The following RELN variants were observed in gnomAD, a reference collection of about 807,000 sequenced individuals.
RELN encodes the protein reelin.
In RELN, 108 loss-of-function variants were observed where a neutral mutation model predicts 427.6. The observed-to-expected ratio is 0.25, with a 90% CI of 0.22 to 0.30. The LOEUF is 0.30. Ranked by LOEUF, RELN falls within the 10% of genes least tolerant of loss-of-function variation. The pLI is 1.00. For synonymous variants in RELN, 1,524 were observed against 1,513.4 expected (o/e 1.01, Z -0.16); for missense variants, 3,715 against 4,302.8 (o/e 0.86, Z 3.82).
chr7:103,608,307 A>C (rs938875723), intron 22 of RELN, among the ~76,000 whole-genome samples: 2 of 152,232 alleles, frequency 1.3e-5, no homozygotes, highest in African/African-American at 4.8e-5. Flanking sequence ...TAACTAGTAG[A>C]ATATGATTTT....
intron 60 of RELN, among the ~76,000 whole-genome samples, chr7:103,487,997 G>A (rs1408814894): frequency 1.3e-5 from 2 of 151,920 alleles, no homozygotes; most frequent in South Asian, 4.2e-4. Context: ...TACAAAAGAA[G>A]ATGAGCTGGG....
chr7:103,818,903 C>T (rs1256219889), intron 3 of RELN, among the ~76,000 whole-genome samples: 2 of 150,802 alleles, frequency 1.3e-5, no homozygotes, highest in African/African-American at 2.4e-5. Flanking sequence ...ATTGGGAAAA[C>T]ATTCATGTTA....
At position 103,636,243 on chromosome 7, in the gene RELN, T is replaced by A. The variant is rs1832576868; in HGVS notation, c.2295A>T (p.Ser765=). 1 of 1,611,684 alleles carries A rather than the reference T, an allele frequency of 6.2e-7. No homozygotes were observed. The highest frequency in any genetic ancestry group is 8.5e-7 in the Non-Finnish European group (1 of 1,178,076). ...RQLITSFLDS[S]QSRFLQFTLR... ...ACCCTGCCTTCACTCACCTGGATTG[T>A]GAGCTGTCAAGGAAAGATGTAATTA... is the stretch of plus-strand genomic sequence containing the variant. The change falls in exon 18 of 65, where the codon TCA becomes TCT. Residue 765 remains serine (S), a synonymous_variant. Coordinates refer to ENST00000428762, the MANE Select transcript of RELN (RefSeq NM_005045.4).
intron 2 of RELN, among the ~76,000 whole-genome samples, chr7:103,856,578 A>T (rs1261868828): frequency 1.2e-4 from 18 of 149,072 alleles, no homozygotes; most frequent in Non-Finnish European, 2.7e-4. Context: ...TCAAAAAAAA[A>T]AAAAAAAAAA....
intron 3 of RELN, among the ~76,000 whole-genome samples, chr7:103,797,648 T>G (rs1792341639): frequency 6.6e-6 from 1 of 152,190 alleles, no homozygotes; most frequent in African/African-American, 2.4e-5. Flanking sequence ...AGACCCCTTT[T>G]GTAAATACAA....
rs563866127 is a variant in RELN, at chr7:103,820,913, A to G, written c.473+12624T>C. 5.9e-5 allele frequency among the ~76,000 whole-genome samples: 9 copies of G among 152,162 alleles called. No homozygotes were observed. The East Asian group carries it at 1.7e-3, about 29-fold the overall frequency. ...ACACACACGTTTAATTTTGAGAGAAAAACTTTAAAGCATGTTTATCGAACC... is the reference window on the plus strand; with the variant it reads ...ACACACACGTTTAATTTTGAGAGAAGAACTTTAAAGCATGTTTATCGAACC... On this transcript the variant is annotated intron_variant, in intron 3 of 64. Transcript: ENST00000428762.
At chr7:103,891,883 C>A (rs1432452496) in intron 2 of RELN, among the ~76,000 whole-genome samples, 1 of 152,138 alleles carries the variant, frequency 6.6e-6, no homozygotes, top group Non-Finnish European at 1.5e-5. Flanking sequence ...TGGACACTTT[C>A]TTTCCAGCAT....
chr7:103,890,342 G>T (rs1353998596), intron 2 of RELN, among the ~76,000 whole-genome samples: 2 of 152,058 alleles, frequency 1.3e-5, no homozygotes, highest in African/African-American at 2.4e-5. Flanking sequence ...CAACTGCAGG[G>T]CCACGGAGCA....
At chr7:103,735,546 C>A (rs191059889) in intron 6 of RELN, among the ~76,000 whole-genome samples, 1 of 152,198 alleles carries the variant, frequency 6.6e-6, no homozygotes. Context: ...CTTTGCACAA[C>A]CAGAGATTTA....
intron 22 of RELN, among the ~76,000 whole-genome samples, 172 bp from the exon 23 acceptor site, chr7:103,604,655 T>C (rs1831771461): frequency 6.6e-6 from 1 of 152,164 alleles, no homozygotes; most frequent in Non-Finnish European, 1.5e-5. Context: ...AACAATTCTA[T>C]CATGAAAGAA....
chr7:103,945,658 C>G (rs1796205727), intron 1 of RELN, among the ~76,000 whole-genome samples: 1 of 152,182 alleles, frequency 6.6e-6, no homozygotes, highest in African/African-American at 2.4e-5. Context: ...TCCTGCTTAG[C>G]ACTTACCATA....
intron 47 of RELN, 119 bp from the exon 48 acceptor site, chr7:103,522,318 T>C: frequency 1.0e-6 from 1 of 997,780 alleles, no homozygotes; most frequent in Non-Finnish European, 1.5e-6. Context: ...TTACTGATTT[T>C]CAGAGAGCTT....
At chr7:103,765,097 C>A (rs898355283) in intron 4 of RELN, among the ~76,000 whole-genome samples, 3 of 151,624 alleles carry the variant, frequency 2.0e-5, no homozygotes, top group African/African-American at 7.3e-5. Flanking sequence ...AGAAGCTGGA[C>A]TGTAAGAAGG....
At chr7:103,922,483 G>A (rs1456086153) in intron 1 of RELN, among the ~76,000 whole-genome samples, 1 of 152,124 alleles carries the variant, frequency 6.6e-6, no homozygotes, top group African/African-American at 2.4e-5. Context: ...GGCTGAGCAG[G>A]TTACAAATAT....
At chr7:103,664,453 C>T (rs1399835381) in intron 11 of RELN, among the ~76,000 whole-genome samples, 1 of 152,148 alleles carries the variant, frequency 6.6e-6, no homozygotes, top group Non-Finnish European at 1.5e-5. Flanking sequence ...AGGGCATAGC[C>T]AGATCATTTT....
At chr7:103,934,941 T>C (rs1374965238) in intron 1 of RELN, among the ~76,000 whole-genome samples, 1 of 152,176 alleles carries the variant, frequency 6.6e-6, no homozygotes, top group Non-Finnish European at 1.5e-5. Context: ...TTTACTTACC[T>C]AGACGTTTAA....
chr7:103,559,416 A>C (rs1220288749), intron 36 of RELN, among the ~76,000 whole-genome samples: 2 of 152,218 alleles, frequency 1.3e-5, no homozygotes, highest in African/African-American at 4.8e-5. Context: ...ACAGGTTGCC[A>C]TGTAAAAGCC....
intron 1 of RELN, among the ~76,000 whole-genome samples, chr7:103,963,030 C>G (rs1796590536): frequency 6.6e-6 from 1 of 151,996 alleles, no homozygotes; most frequent in Non-Finnish European, 1.5e-5. Context: ...ACACCAAGAA[C>G]AGGAGACAGA....
intron 2 of RELN, among the ~76,000 whole-genome samples, chr7:103,841,617 G>T (rs1793553380): frequency 6.6e-6 from 1 of 151,998 alleles, no homozygotes. Context: ...TGTGAACCCC[G>T]TTTTCCCCCA....
Sources: allele counts gnomAD v4.1 joint callset (sites outside exome capture counted in the v4.1 genomes callset), GRCh38; gene constraint gnomAD v4.1.1; transcripts MANE v1.5; gene names NCBI Gene and HGNC (gene_info 2026-07-23, HGNC 2026-07-21).